The following FAAP20 variants were observed in gnomAD, a reference collection of about 807,000 sequenced individuals.
FAAP20 encodes the protein FA core complex associated protein 20.
A neutral mutation model predicts 16.2 loss-of-function variants in FAAP20; 12 were observed. The ratio of observed to expected loss-of-function variants is 0.74; its 90% CI spans 0.48 to 1.20. The LOEUF is 1.20. Ranked by LOEUF, FAAP20 falls within the 50% of genes most tolerant of loss-of-function variation. The pLI, the probability that FAAP20 is intolerant of heterozygous loss-of-function variation, is 0.00. For missense variants in FAAP20, 288 were observed against 245.8 expected (o/e 1.17, Z -1.15); for synonymous variants, 141 against 110.7 (o/e 1.27, Z -1.72).
At chr1:2,190,169 G>A in intron 3 of FAAP20, 1 of 484,576 alleles carries the variant, frequency 2.1e-6, no homozygotes. Context: ...AGCCGCCGCG[G>A]CTGCGTCTAC....
downstream of FAAP20, among the ~76,000 whole-genome samples, chr1:2,187,493 G>T (rs188055756): frequency 5.3e-5 from 8 of 151,562 alleles, no homozygotes; most frequent in East Asian, 1.6e-3. Flanking sequence ...TAGTAGAGAC[G>T]GGGTTTCACC....
chr1:2,198,059 G>C (rs202085505), upstream of FAAP20: 1 of 1,291,538 alleles, frequency 7.7e-7, no homozygotes, highest in Non-Finnish European at 1.0e-6. Context: ...GCTGGTGATG[G>C]TGATGGTGGA....
rs568811969 is a variant in FAAP20, at chr1:2,194,024, G to C, written c.172C>G (p.Pro58Ala). Residue 58 changes from proline (P) to alanine (A), a missense_variant, in exon 2 of 4, where the codon CCT becomes GCT. Pro to Ala is a conservative substitution (Grantham distance 27, BLOSUM62 -1). Coordinates refer to ENST00000378546, the MANE Select transcript of FAAP20 (RefSeq NM_182533.4). ...TGTCCTGGGAAGGCGGGCAGTGAAG[G>C]CACCTCGTGATCCAGGATCAGCTCC... Reference protein sequence around the residue: ...SPELILDHEVPSLPAFPGQEP... With the variant: ...SPELILDHEVASLPAFPGQEP... The C allele has an allele frequency of 1.9e-5, 31 of 1,612,746 alleles. No homozygotes were observed. Among genetic ancestry groups the C allele is most frequent in the Middle Eastern group, 3.3e-4 (2 of 6,060 alleles).
At chr1:2,186,864 G>A (rs1480425027), downstream of FAAP20, 6 of 173,570 alleles carry the variant, frequency 3.5e-5, no homozygotes, top group Non-Finnish European at 6.2e-5. Flanking sequence ...TGCCAGTAGC[G>A]TGCCGGTTAC....
exon 2 of FAAP20, chr1:2,212,359 T>C (rs1217610440): frequency 6.5e-6 from 1 of 152,776 alleles, no homozygotes; most frequent in Non-Finnish European, 1.5e-5. Context: ...CCCGCAGAGC[T>C]GCTCCAAGGG....
At chr1:2,191,288 T>G (rs968318410) in intron 3 of FAAP20, 2 of 152,382 alleles carry the variant, frequency 1.3e-5, no homozygotes, top group African/African-American at 4.8e-5. Flanking sequence ...CCGTGACGCT[T>G]CTGCTCAGTA....
At chr1:2,194,516 C>A in intron 1 of FAAP20, among the ~76,000 whole-genome samples, 172 bp downstream of exon 1, 1 of 124,016 alleles carries the variant, frequency 8.1e-6, no homozygotes, top group South Asian at 2.6e-4. Context: ...GGGGTGGGGG[C>A]TCAAGGCGGG....
upstream of FAAP20, chr1:2,198,316 C>A: frequency 7.5e-6 from 4 of 534,530 alleles, no homozygotes; most frequent in Non-Finnish European, 1.2e-5. Context: ...ATCTCCTACT[C>A]CCGCACCTGC....
chr1:2,191,978 G>A, intron 3 of FAAP20: 16 of 985,470 alleles, frequency 1.6e-5, no homozygotes, highest in Non-Finnish European at 1.9e-5. Context: ...CGGTCCTCTG[G>A]GTGACCCGGA....
intron 3 of FAAP20, chr1:2,193,373 C>T (rs577387532): frequency 1.8e-4 from 102 of 566,002 alleles, no homozygotes; most frequent in African/African-American, 1.6e-3. Context: ...CAGGTGGACC[C>T]GGGGCCAGTG....
intron 1 of FAAP20, chr1:2,212,534 C>G (rs1638233611): frequency 6.2e-6 from 1 of 160,476 alleles, no homozygotes. Flanking sequence ...CACCCCCGGC[C>G]CCAGGCAGCA....
At chr1:2,200,200 A>C (rs1407462009), upstream of FAAP20, 1 of 151,476 alleles carries the variant, frequency 6.6e-6, no homozygotes, top group Non-Finnish European at 1.5e-5. Context: ...GTTCGAGACC[A>C]GCCTGAAAGA....
downstream of FAAP20, among the ~76,000 whole-genome samples, chr1:2,187,392 C>G (rs912940811): frequency 6.6e-6 from 1 of 151,656 alleles, no homozygotes; most frequent in Non-Finnish European, 1.5e-5. Flanking sequence ...GCAACCTCCA[C>G]CTCCCGGGTT....
Position 2,189,661 on chromosome 1 carries a change from G to T in FAAP20, c.*48C>A, listed in dbSNP as rs1037566365. On this transcript the variant is annotated 3_prime_UTR_variant, in exon 4 of 4. Transcript: ENST00000378546. ...CCGAGAGGCGGGGCTGCTGGCGGGG[G>T]AGAGCGTGTCCGGGCGCCGCACTCT... 3.9e-6 allele frequency: 6 copies of T among 1,521,524 alleles called. No homozygotes were observed. The highest frequency in any genetic ancestry group is 2.3e-5 in the East Asian group (1 of 44,090). 94.3% of individuals were successfully genotyped at this position (1,521,524 alleles called of 1,614,324 possible).
upstream of FAAP20, chr1:2,194,807 G>GC: frequency 5.3e-6 from 3 of 571,082 alleles, no homozygotes; most frequent in South Asian, 8.2e-5. Context: ...TCCAGGCCCC[G>GC]CCCCCGCCCC....
intron 3 of FAAP20, chr1:2,190,642 G>A (rs1299319192): frequency 8.6e-6 from 3 of 347,110 alleles, no homozygotes; most frequent in East Asian, 7.6e-5. Context: ...TGCCGGGGAC[G>A]ATGTCCCGGG....
At chr1:2,192,739 G>C in intron 3 of FAAP20, 1 of 1,123,944 alleles carries the variant, frequency 8.9e-7, no homozygotes, top group South Asian at 1.4e-5. Flanking sequence ...TCAGCCTCCA[G>C]AGTAGCTAGG....
At chr1:2,192,496 G>A (rs978388452) in intron 3 of FAAP20, 1 of 996,744 alleles carries the variant, frequency 1.0e-6, no homozygotes, top group Non-Finnish European at 1.2e-6. Flanking sequence ...AGACTATCTG[G>A]AAAAGCAGGC....
In FAAP20 at chr1:2,194,091, C is replaced by T. The variant is rs1035805758; in HGVS notation, c.105G>A (p.Glu35=). 1.2e-6 allele frequency: 2 copies of T among 1,612,430 alleles called. No homozygotes were observed. The highest frequency in any genetic ancestry group is 2.7e-5 in the African/African-American group (2 of 74,890). Residue 35 remains glutamate, a synonymous_variant, in exon 2 of 4, where the codon GAG becomes GAA. Transcript: ENST00000378546. ...GTAGCTCGGCCCAGAGCCGCTCCCGCTCATCACCCCCCAGGAGAAACCAGG... is the reference window on the plus strand; with the variant it reads ...GTAGCTCGGCCCAGAGCCGCTCCCGTTCATCACCCCCCAGGAGAAACCAGG... ...GRPWFLLGGD[E]RERLWAELLR...
Sources: allele counts gnomAD v4.1 joint callset (sites outside exome capture counted in the v4.1 genomes callset), GRCh38; gene constraint gnomAD v4.1.1; transcripts MANE v1.5; gene names NCBI Gene and HGNC (gene_info 2026-07-23, HGNC 2026-07-21).